Variants in NEURL1 observed in about 807,000 individuals in gnomAD.
NEURL1 encodes neuralized E3 ubiquitin protein ligase 1, also known as E3 ubiquitin-protein ligase NEURL1.
NEURL1 carries 26 observed loss-of-function variants against 41.2 expected under a neutral mutation model. The ratio of observed to expected loss-of-function variants is 0.63; its 90% confidence interval spans 0.46 to 0.87. The LOEUF (loss-of-function observed/expected upper bound fraction) is 0.87, where lower values mean the gene tolerates loss of function less well. Ranked by LOEUF, NEURL1 falls within the 40% of genes least tolerant of loss-of-function variation. NEURL1 has a pLI of 0.00. For synonymous variants in NEURL1, 400 were observed against 402.3 expected, an observed-to-expected ratio of 0.99 and a Z score of 0.07; for missense variants, 761 against 871.1, an observed-to-expected ratio of 0.87 and a Z score of 1.59.
Position 103,584,704 on chromosome 10 carries a change from T to G in NEURL1, c.818T>G (p.Ile273Ser). 3 of 1,444,750 alleles carry G rather than the reference T, an allele frequency of 2.1e-6. No individual in the cohort carries two copies. The highest frequency in any genetic ancestry group is 1.8e-6 in the Non-Finnish European group (2 of 1,103,678). 89.5% of individuals were successfully genotyped at this position (1,444,750 alleles called of 1,614,324 possible). The change falls in exon 4 of 6, where the codon ATC becomes AGC. Residue 273 changes from isoleucine (I) to serine (S), a missense_variant. Ile to Ser is a moderately radical substitution (Grantham distance 142). This residue lies in a region of NEURL1 where 443 missense variants were observed against 408.1 expected (regional missense o/e 1.09). Transcript: ENST00000369780. Reference sequence around the variant, plus strand: ...GCCGCGCCGGCCGCCGGCTGCCCCATCCCGCAGAACTCACTCAACTCGCAG... The same window carrying G: ...GCCGCGCCGGCCGCCGGCTGCCCCAGCCCGCAGAACTCACTCAACTCGCAG... ...DEAAPAAGCP[I>S]PQNSLNSQHS...
At chr10:103,519,392 G>A (rs2034293552) in intron 1 of NEURL1, among the ~76,000 whole-genome samples, 1 of 152,234 alleles carries the variant, frequency 6.6e-6, no homozygotes, top group African/African-American at 2.4e-5. Context: ...TGAGATAATT[G>A]ATACGTGATT....
chr10:103,538,337 A>T (rs187575563), intron 1 of NEURL1, among the ~76,000 whole-genome samples: 342 of 152,294 alleles, frequency 2.2e-3, no homozygotes, highest in Non-Finnish European at 3.8e-3. Context: ...TTGGGAGGCC[A>T]AGGCAGGCGG....
chr10:103,511,384 C>G (rs1356972828), intron 1 of NEURL1, among the ~76,000 whole-genome samples: 3 of 152,144 alleles, frequency 2.0e-5, no homozygotes, highest in African/African-American at 7.2e-5. Flanking sequence ...CACATGCTGA[C>G]GCTGGTGCAG....
chr10:103,533,775 A>T (rs2034630743), intron 1 of NEURL1, among the ~76,000 whole-genome samples: 1 of 152,028 alleles, frequency 6.6e-6, no homozygotes, highest in Admixed American at 6.6e-5. Context: ...TGACCTTCTG[A>T]TCCGCCCGCC....
At chr10:103,526,641 A>G (rs1159281496) in intron 1 of NEURL1, among the ~76,000 whole-genome samples, 1 of 151,798 alleles carries the variant, frequency 6.6e-6, no homozygotes, top group South Asian at 2.1e-4. Flanking sequence ...CCTCCCAAGG[A>G]GCTGGGATTA....
intron 1 of NEURL1, among the ~76,000 whole-genome samples, chr10:103,512,774 T>C (rs1050989913): frequency 9.2e-5 from 14 of 152,074 alleles, no homozygotes; most frequent in African/African-American, 3.4e-4. Context: ...CTCTGTTTTG[T>C]AAATAATTAA....
rs114180218 is a variant in NEURL1, at chr10:103,546,282, G to A, written c.86-24590G>A. Among the ~76,000 whole-genome samples, 887 of 152,276 alleles carry A rather than the reference G, an allele frequency of 5.8e-3. 8 individuals are homozygous for A. Among genetic ancestry groups the A allele is most frequent in the African/African-American group, 0.02 (842 of 41,550 alleles). ...CACTCTGCAGTAGACAAAGCCCTGG[G>A]GCCTGCACTCTTGAGTCTGAAATCT... On this transcript the variant is annotated intron_variant, in intron 1 of 5. Transcript: ENST00000369780.
At chr10:103,580,936 G>A (rs2035771983) in intron 3 of NEURL1, among the ~76,000 whole-genome samples, 1 of 151,952 alleles carries the variant, frequency 6.6e-6, no homozygotes, top group African/African-American at 2.4e-5. Flanking sequence ...TTGGTCTTTG[G>A]TGATTTCATT....
rs1045633988 is a variant in NEURL1, at chr10:103,558,731, C to G, written c.86-12141C>G. ...GCTGACAGGGGCGGGAAGGGTAGTG[C>G]GAAGAGGGAGGCAGCAGTGACACTG... On this transcript the variant is annotated intron_variant, in intron 1 of 5. Transcript: ENST00000369780. The surrounding 1 kb of genome is among the most constrained non-coding windows in gnomAD (Gnocchi z 4.2). 6.6e-6 allele frequency among the ~76,000 whole-genome samples: 1 copy of G among 152,116 alleles called. No homozygotes were observed. The highest frequency in any genetic ancestry group is 2.4e-5 in the African/African-American group (1 of 41,418).
At chr10:103,580,277 C>T (rs980606733) in intron 3 of NEURL1, among the ~76,000 whole-genome samples, 2 of 152,320 alleles carry the variant, frequency 1.3e-5, no homozygotes, top group Non-Finnish European at 1.5e-5. Context: ...GTCAGCTTAG[C>T]GGCTTCTCCT....
chr10:103,534,501 T>G (rs1156899464), intron 1 of NEURL1, among the ~76,000 whole-genome samples: 5 of 151,806 alleles, frequency 3.3e-5, no homozygotes, highest in African/African-American at 1.2e-4. Context: ...TGGTATAGTC[T>G]CTATGCAGCT....
chr10:103,586,776 C>T (rs1289608772), intron 4 of NEURL1, among the ~76,000 whole-genome samples: 2 of 152,184 alleles, frequency 1.3e-5, no homozygotes, highest in South Asian at 2.1e-4. Flanking sequence ...AGCCTGGGTG[C>T]GGTGGCTCAC....
chr10:103,505,677 T>C (rs1312463913), intron 1 of NEURL1, among the ~76,000 whole-genome samples: 1 of 152,198 alleles, frequency 6.6e-6, no homozygotes, highest in Non-Finnish European at 1.5e-5. Flanking sequence ...CCAGCTCTTC[T>C]GTATCTTAAA....
chr10:103,571,139 C>T, intron 2 of NEURL1, 26 bp downstream of exon 2: 1 of 1,605,272 alleles, frequency 6.2e-7, no homozygotes, highest in Non-Finnish European at 8.5e-7. Context: ...GCCCCCGCCC[C>T]CGCCTCCTGC....
chr10:103,499,004 C>T (rs569604022), intron 1 of NEURL1, among the ~76,000 whole-genome samples: 3 of 152,340 alleles, frequency 2.0e-5, no homozygotes, highest in South Asian at 4.1e-4. Flanking sequence ...ACATCTGTGT[C>T]TAAGTCTTTG....
At chr10:103,574,284 A>C (rs1415017286) in intron 3 of NEURL1, among the ~76,000 whole-genome samples, 2 of 152,214 alleles carry the variant, frequency 1.3e-5, no homozygotes, top group African/African-American at 4.8e-5. Context: ...GAAGCCAGTA[A>C]ATCACTAACC....
rs1264993746 is a variant in NEURL1, at chr10:103,585,020, G to A, written c.1134G>A (p.Val378=). 2 of 1,582,216 alleles carry A rather than the reference G, an allele frequency of 1.3e-6. No individual in the cohort carries two copies. Among genetic ancestry groups the A allele is most frequent in the Non-Finnish European group, 1.7e-6 (2 of 1,172,568 alleles). ...ADLPFSPEAL[V]DRKEFWAVCR... Reference sequence around the variant, plus strand: ...TGCCTTTCAGCCCTGAGGCCCTGGTGGACCGCAAGGAATTCTGGGCCGTGT... The same window carrying A: ...TGCCTTTCAGCCCTGAGGCCCTGGTAGACCGCAAGGAATTCTGGGCCGTGT... Residue 378 remains valine (V), a synonymous_variant, in exon 4 of 6, where the codon GTG becomes GTA. Coordinates refer to ENST00000369780, the MANE Select transcript of NEURL1 (RefSeq NM_004210.5).
At chr10:103,526,501 GTTTTCTTTTC>G (rs569357576) in intron 1 of NEURL1, among the ~76,000 whole-genome samples, 5 of 151,658 alleles carry the variant, frequency 3.3e-5, no homozygotes, top group South Asian at 4.2e-4. Flanking sequence ...TTTCTGCTAG[GTTTTCTTTTC>G]TTTTCTTTTC....
At chr10:103,546,367 C>A (rs952576294) in intron 1 of NEURL1, among the ~76,000 whole-genome samples, 4 of 152,250 alleles carry the variant, frequency 2.6e-5, no homozygotes, top group African/African-American at 9.6e-5. Flanking sequence ...CCTCCTTGAG[C>A]CTCTGTTTTT....
Sources: gnomAD v4.1 joint callset for allele counts (sites outside exome capture counted in the v4.1 genomes callset) on GRCh38, gnomAD v4.1.1 for gene constraint, gnomAD v4.1.1 regional missense constraint, Gnocchi (gnomAD v3.1) non-coding constraint, MANE v1.5 for transcripts, NCBI Gene and HGNC (gene_info 2026-07-23, HGNC 2026-07-21) for gene names.